The following MCTP2 variants were observed in gnomAD, a reference collection of about 807,000 sequenced individuals.
MCTP2 encodes multiple C2 and transmembrane domain-containing protein 2.
In MCTP2, 132 loss-of-function variants were observed where a neutral mutation model predicts 111.6. The ratio of observed to expected loss-of-function variants is 1.18; its 90% CI spans 1.03 to 1.37. MCTP2 has a LOEUF of 1.37. Among genes scored for constraint, MCTP2 ranks in the 40% most tolerant of loss-of-function variants. MCTP2 has a pLI of 0.00. For synonymous variants in MCTP2, 395 were observed against 387.7 expected, an observed-to-expected ratio of 1.02 and a Z score of -0.22; for missense variants, 1,183 against 1,067.9, an observed-to-expected ratio of 1.11 and a Z score of -1.50.
chr15:94,467,416 T>A (rs1398419169), intron 20 of MCTP2, among the ~76,000 whole-genome samples: 7 of 130,918 alleles, frequency 5.3e-5, no homozygotes, highest in East Asian at 4.2e-4. Flanking sequence ...TTACTTACTT[T>A]TATTATAATA....
intron 15 of MCTP2, chr15:94,399,624 C>T (rs1002671936): frequency 7.6e-5 from 19 of 249,810 alleles, no homozygotes; most frequent in Admixed American, 2.7e-4. Context: ...CTTTTACGGA[C>T]GTTAGTTTGA....
Position 94,289,251 on chromosome 15 carries a change from A to G in MCTP2, c.-65-8950A>G, listed in dbSNP as rs533551333. ...GTCAGTCAGAGCAATGATAACTGATATATGGAAGAACAATGATTCAAATGG... is the reference window on the plus strand; with the variant it reads ...GTCAGTCAGAGCAATGATAACTGATGTATGGAAGAACAATGATTCAAATGG... On this transcript the variant is annotated intron_variant, in intron 1 of 22. Transcript: ENST00000357742. 8.9e-4 allele frequency among the ~76,000 whole-genome samples: 135 copies of G among 152,362 alleles called. 2 individuals carry two copies. Among genetic ancestry groups the G allele is most frequent in the African/African-American group, 2.8e-3 (115 of 41,590 alleles).
intron 4 of MCTP2, among the ~76,000 whole-genome samples, chr15:94,317,867 G>C (rs79213245): frequency 0.022 from 3,286 of 152,030 alleles, 104 homozygotes; most frequent in African/African-American, 0.073. Context: ...TTGCCTACTT[G>C]TTGGTAAATA....
chr15:94,300,717 C>T (rs1443150181), intron 2 of MCTP2, among the ~76,000 whole-genome samples: 4 of 152,052 alleles, frequency 2.6e-5, no homozygotes, highest in Non-Finnish European at 5.9e-5. Context: ...CAAAATGTTT[C>T]AGCCTGGTCT....
chr15:94,309,475 C>T (rs1000189760), intron 2 of MCTP2, among the ~76,000 whole-genome samples: 1 of 152,164 alleles, frequency 6.6e-6, no homozygotes, highest in Non-Finnish European at 1.5e-5. Flanking sequence ...GAAATGTAAA[C>T]AAACAGTGAC....
intron 20 of MCTP2, among the ~76,000 whole-genome samples, chr15:94,466,870 G>A (rs2073371040): frequency 6.6e-6 from 1 of 152,004 alleles, no homozygotes; most frequent in Non-Finnish European, 1.5e-5. Flanking sequence ...GAATGGTATT[G>A]CTAGAAAAGG....
At chr15:94,473,841 C>T (rs1258406262) in intron 21 of MCTP2, among the ~76,000 whole-genome samples, 2 of 152,156 alleles carry the variant, frequency 1.3e-5, no homozygotes, top group African/African-American at 4.8e-5. Context: ...GCTGGTCGCT[C>T]ATATGAATAT....
intron 1 of MCTP2, among the ~76,000 whole-genome samples, chr15:94,267,444 TA>T (rs2073605993): frequency 6.6e-6 from 1 of 152,062 alleles, no homozygotes; most frequent in Non-Finnish European, 1.5e-5. Context: ...ACATCATATT[TA>T]AAAAAAATCC....
At chr15:94,351,786 C>T (rs1203148256) in intron 8 of MCTP2, among the ~76,000 whole-genome samples, 2 of 152,214 alleles carry the variant, frequency 1.3e-5, no homozygotes, top group African/African-American at 4.8e-5. Context: ...TATTGCTTGG[C>T]ATCGTCAGTT....
In MCTP2 at chr15:94,390,114, G is replaced by GTA. The variant is rs1215325329; in HGVS notation, c.1788+4606_1788+4607dup. 4.0e-3 allele frequency among the ~76,000 whole-genome samples: 81 copies of GTA among 20,074 alleles called. 2 individuals carry two copies. The highest frequency in any genetic ancestry group is 0.01 in the African/African-American group (70 of 6,968). The allele number at this position is 20,074 out of a possible 152,430, so 13.2% of individuals were successfully genotyped here. A position where few individuals can be genotyped will look rare whatever the true frequency, so the allele number is the denominator to read the frequency against. On this transcript the variant is annotated intron_variant, in intron 14 of 22. Coordinates refer to ENST00000357742, the MANE Select transcript of MCTP2 (RefSeq NM_001385001.1). Reference sequence around the variant, plus strand: ...TGTATATATATATATATATATATATGTATATATATATATATATACTTAGAT... The same window carrying GTA: ...TGTATATATATATATATATATATATGTATATATATATATATATATACTTAGAT...
At chr15:94,459,303 T>A (rs2085042027) in intron 20 of MCTP2, among the ~76,000 whole-genome samples, 1 of 152,180 alleles carries the variant, frequency 6.6e-6, no homozygotes, top group African/African-American at 2.4e-5. Flanking sequence ...AGGGAAAGCC[T>A]TATGCATTAA....
chr15:94,483,641 A>G lies in MCTP2; in HGVS notation c.*4607A>G, dbSNP rs963106848. ...ATACCACATGTTCTCATTTATAGGT[A>G]GGAGTTAAATGATGAGAACACATGG... On this transcript the variant is annotated 3_prime_UTR_variant, in exon 23 of 23. Transcript: ENST00000357742. 3 of 152,206 alleles carry G rather than the reference A, an allele frequency of 2.0e-5. No homozygotes were observed. Among genetic ancestry groups the G allele is most frequent in the Non-Finnish European group, 4.4e-5 (3 of 68,028 alleles). The allele number at this position is 152,206 out of a possible 1,614,324, so 9.4% of individuals were successfully genotyped here.
In MCTP2 at chr15:94,392,297, G is replaced by A. The variant is rs147642516; in HGVS notation, c.1789-6664G>A. Among the ~76,000 whole-genome samples the A allele has an allele frequency of 4.7e-3, 718 of 152,028 alleles. 2 individuals carry two copies. Among genetic ancestry groups the A allele is most frequent in the African/African-American group, 0.016 (669 of 41,478 alleles). ...TGAAGCAGGAGAATGGCGTGAACCC[G>A]GGTGGCGGAGGTTGCAGTGAGCAGA... On this transcript the variant is annotated intron_variant, in intron 14 of 22. Transcript: ENST00000357742.
intron 14 of MCTP2, among the ~76,000 whole-genome samples, chr15:94,392,139 AG>A (rs755752667): frequency 1.3e-5 from 2 of 152,100 alleles, no homozygotes; most frequent in Non-Finnish European, 2.9e-5. Flanking sequence ...TGGGAGGCTG[AG>A]GTGGGCGGAT....
At chr15:94,439,988 C>A (rs1442670490) in intron 17 of MCTP2, among the ~76,000 whole-genome samples, 188 bp from the exon 18 acceptor site, 1 of 152,102 alleles carries the variant, frequency 6.6e-6, no homozygotes, top group Non-Finnish European at 1.5e-5. Context: ...CGTGACTAAT[C>A]AGCTCTTTCT....
At chr15:94,430,393 TCACACA>T (rs35129445) in intron 17 of MCTP2, among the ~76,000 whole-genome samples, 15,807 of 107,054 alleles carry the variant, frequency 0.15, 1,134 homozygotes, top group Non-Finnish European at 0.16. Flanking sequence ...CCAAAAACAA[TCACACA>T]CACACACACA....
chr15:94,288,507 T>A (rs374275561), intron 1 of MCTP2, among the ~76,000 whole-genome samples: 19 of 152,344 alleles, frequency 1.2e-4, no homozygotes, highest in African/African-American at 2.9e-4. Flanking sequence ...ATTGGAACCA[T>A]AGCCAACAGA....
chr15:94,456,107 A>G (rs1268020831), intron 19 of MCTP2, among the ~76,000 whole-genome samples: 1 of 152,218 alleles, frequency 6.6e-6, no homozygotes, highest in Non-Finnish European at 1.5e-5. Flanking sequence ...TCAAAAATTA[A>G]TTGTTTACTT....
At chr15:94,443,507 A>G (rs1253699158) in intron 19 of MCTP2, among the ~76,000 whole-genome samples, 1 of 152,208 alleles carries the variant, frequency 6.6e-6, no homozygotes, top group Admixed American at 6.5e-5. Context: ...TGAAATGCCA[A>G]ATGAGATGCT....
Sources: allele counts gnomAD v4.1 joint callset (sites outside exome capture counted in the v4.1 genomes callset), GRCh38; gene constraint gnomAD v4.1.1; transcripts MANE v1.5; gene names NCBI Gene and HGNC (gene_info 2026-07-23, HGNC 2026-07-21).